The following FAM110B variants were observed in gnomAD, a reference collection of about 807,000 sequenced individuals.
The protein encoded by FAM110B is family with sequence similarity 110 member B.
In FAM110B, 6 loss-of-function variants were observed where a neutral mutation model predicts 20.4. The observed-to-expected ratio is 0.29, with a 90% confidence interval of 0.16 to 0.58. The LOEUF is 0.58. FAM110B is among the 20% of genes least tolerant of loss of function. FAM110B has a pLI of 0.90. For synonymous variants in FAM110B, 226 were observed against 214.1 expected, an observed-to-expected ratio of 1.06 and a Z score of -0.49; for missense variants, 434 against 498.2, an observed-to-expected ratio of 0.87 and a Z score of 1.23.
At chr8:57,995,723 C>A (rs1804171693) in intron 1 of FAM110B, among the ~76,000 whole-genome samples, 1 of 152,190 alleles carries the variant, frequency 6.6e-6, no homozygotes, top group South Asian at 2.1e-4. Context: ...AGCTTTTTAA[C>A]CCTTTCAAGT....
At chr8:58,110,443 A>T (rs1807032251) in intron 3 of FAM110B, among the ~76,000 whole-genome samples, 1 of 152,196 alleles carries the variant, frequency 6.6e-6, no homozygotes, top group African/African-American at 2.4e-5. Context: ...AGAATCAATG[A>T]CTAAAATGTC....
intron 2 of FAM110B, among the ~76,000 whole-genome samples, chr8:58,067,266 C>T (rs1258778613): frequency 6.6e-6 from 1 of 152,184 alleles, no homozygotes; most frequent in African/African-American, 2.4e-5. Context: ...GTAGTGCCTG[C>T]TCCTCCTTGC....
At chr8:58,056,368 T>C (rs899265288) in intron 2 of FAM110B, among the ~76,000 whole-genome samples, 2 of 152,212 alleles carry the variant, frequency 1.3e-5, no homozygotes, top group African/African-American at 4.8e-5. Context: ...ATATTTGGCT[T>C]TCTAGTGCCA....
At position 58,021,309 on chromosome 8, in the gene FAM110B, T is replaced by C. The variant is rs372669706; in HGVS notation, c.-511-10297T>C. ...TGCTATTCTATTGGGTCACCACTGGTTACTGATACCTGCCAACCAAAAAGG... is the reference window on the plus strand; with the variant it reads ...TGCTATTCTATTGGGTCACCACTGGCTACTGATACCTGCCAACCAAAAAGG... On this transcript the variant is annotated intron_variant, in intron 1 of 3. Transcript: ENST00000519262. Among the ~76,000 whole-genome samples, 13 of 152,222 alleles carry C rather than the reference T, an allele frequency of 8.5e-5. No individual in the cohort carries two copies. In the South Asian group the frequency reaches 2.5e-3, roughly 29 times the overall value.
At chr8:58,089,453 A>C (rs1419546289) in intron 3 of FAM110B, among the ~76,000 whole-genome samples, 4 of 152,098 alleles carry the variant, frequency 2.6e-5, no homozygotes, top group Non-Finnish European at 5.9e-5. Context: ...ATAGAATCTG[A>C]TCTCACAGGC....
chr8:58,080,616 T>C (rs144250741), intron 3 of FAM110B, among the ~76,000 whole-genome samples: 1 of 152,338 alleles, frequency 6.6e-6, no homozygotes, highest in African/African-American at 2.4e-5. Context: ...ACCCTGTGTT[T>C]AGTGAGCACT....
chr8:58,083,110 CTT>C (rs1806241921), intron 3 of FAM110B, among the ~76,000 whole-genome samples: 2 of 152,038 alleles, frequency 1.3e-5, no homozygotes. Context: ...GCTCATCTAT[CTT>C]TTTGCTCACT....
chr8:58,059,109 T>C (rs1805606411), intron 2 of FAM110B, among the ~76,000 whole-genome samples: 1 of 152,190 alleles, frequency 6.6e-6, no homozygotes, highest in Admixed American at 6.5e-5. Flanking sequence ...CTTCCTCTTA[T>C]ATCAGTAGGA....
intron 3 of FAM110B, among the ~76,000 whole-genome samples, chr8:58,094,539 G>A (rs1013013562): frequency 1.2e-4 from 18 of 152,216 alleles, no homozygotes; most frequent in Admixed American, 1.0e-3. Context: ...CTATTTAGGT[G>A]ATGGATTATG....
At chr8:58,120,639 A>G (rs1426143814) in intron 3 of FAM110B, among the ~76,000 whole-genome samples, 2 of 152,198 alleles carry the variant, frequency 1.3e-5, no homozygotes, top group Non-Finnish European at 2.9e-5. Context: ...TCCACTGCAG[A>G]TAAGAATAAG....
At chr8:58,080,875 T>C (rs1043595282) in intron 3 of FAM110B, among the ~76,000 whole-genome samples, 8 of 152,352 alleles carry the variant, frequency 5.3e-5, no homozygotes, top group Admixed American at 2.6e-4. Context: ...GAAATACTTA[T>C]GTTTTGCCTT....
At chr8:58,104,355 A>G (rs1463272185) in intron 3 of FAM110B, among the ~76,000 whole-genome samples, 1 of 152,204 alleles carries the variant, frequency 6.6e-6, no homozygotes, top group East Asian at 1.9e-4. Context: ...AAAATTACCT[A>G]TTGAAACTAC....
At chr8:58,086,446 C>T (rs903903885) in intron 3 of FAM110B, among the ~76,000 whole-genome samples, 17 of 152,078 alleles carry the variant, frequency 1.1e-4, no homozygotes, top group African/African-American at 3.9e-4. Flanking sequence ...TAATTTTAAA[C>T]TCCACTATGT....
intron 3 of FAM110B, among the ~76,000 whole-genome samples, chr8:58,132,088 C>T (rs1183866415): frequency 6.6e-6 from 1 of 151,134 alleles, no homozygotes; most frequent in African/African-American, 2.5e-5. Context: ...AGGAGGGTGT[C>T]GCCACATTTT....
At chr8:58,094,505 A>G (rs1406309270) in intron 3 of FAM110B, among the ~76,000 whole-genome samples, 6 of 152,158 alleles carry the variant, frequency 3.9e-5, no homozygotes, top group Non-Finnish European at 7.3e-5. Context: ...TATCGAGATA[A>G]TCATGTGGTT....
chr8:58,121,173 T>C (rs1318335808), intron 3 of FAM110B, among the ~76,000 whole-genome samples: 1 of 152,132 alleles, frequency 6.6e-6, no homozygotes, highest in Non-Finnish European at 1.5e-5. Context: ...GTGTGGCTGC[T>C]AGGTCTGGGG....
Position 58,076,007 on chromosome 8 carries a change from G to A in FAM110B, c.-325+384G>A, listed in dbSNP as rs1740887885. Among the ~76,000 whole-genome samples, 3 of 152,176 alleles carry A rather than the reference G, an allele frequency of 2.0e-5. No individual in the cohort carries two copies. In the South Asian group the frequency reaches 6.2e-4, roughly 32 times the overall value. Reference sequence around the variant, plus strand: ...GATGGGGTTTTGCCCTGTTGCCCAGGCTGGAGGGCAGTGGTGTGTTGCTCA... The same window carrying A: ...GATGGGGTTTTGCCCTGTTGCCCAGACTGGAGGGCAGTGGTGTGTTGCTCA... On this transcript the variant is annotated intron_variant, in intron 3 of 3. Coordinates refer to ENST00000519262, the MANE Select transcript of FAM110B (RefSeq NM_001377989.1).
chr8:58,072,524 A>G (rs1429869981), intron 2 of FAM110B, among the ~76,000 whole-genome samples: 1 of 152,228 alleles, frequency 6.6e-6, no homozygotes, highest in Non-Finnish European at 1.5e-5. Flanking sequence ...ATGTGCTTTT[A>G]TTTTCAGATG....
rs1328479631 is a variant in FAM110B, at chr8:57,994,812, A to G, written c.-512+6A>G. 2.0e-5 allele frequency: 3 copies of G among 152,078 alleles called. No individual in the cohort carries two copies. Among genetic ancestry groups the G allele is most frequent in the Admixed American group, 1.3e-4 (2 of 15,278 alleles). The allele number at this position is 152,078 out of a possible 1,614,324, so 9.4% of individuals were successfully genotyped here. A position where few individuals can be genotyped will look rare whatever the true frequency, so the allele number is the denominator to read the frequency against. The stretch of plus-strand genomic sequence containing the variant: ...GACTGGGGTGAGCGGCCCAGGTAAG[A>G]CTGGGCCGTGGGGGCCGGGAGAGAG... On this transcript the variant is annotated splice_donor_region_variant and intron_variant, in intron 1 of 3. Transcript: ENST00000519262.
Sources: gnomAD v4.1 joint callset for allele counts (sites outside exome capture counted in the v4.1 genomes callset) on GRCh38, gnomAD v4.1.1 for gene constraint, MANE v1.5 for transcripts, NCBI Gene and HGNC (gene_info 2026-07-23, HGNC 2026-07-21) for gene names.